The following CACNB2 variants were observed in gnomAD, a reference collection of about 807,000 sequenced individuals.
The protein encoded by CACNB2 is calcium voltage-gated channel auxiliary subunit beta 2, also known as voltage-dependent L-type calcium channel subunit beta-2.
In CACNB2, 42 loss-of-function variants were observed where a neutral mutation model predicts 73.3. That is an observed-to-expected ratio of 0.57 (90% CI 0.45 to 0.74). The LOEUF (loss-of-function observed/expected upper bound fraction) is 0.74, where lower values mean the gene tolerates loss of function less well. Among genes scored for constraint, CACNB2 ranks in the 30% least tolerant of loss-of-function variants. The pLI, the probability that CACNB2 is intolerant of heterozygous loss-of-function variation, is 0.00. For synonymous variants in CACNB2, 348 were observed against 310.3 expected (o/e 1.12, Z -1.28); for missense variants, 940 against 853.0 (o/e 1.10, Z -1.27).
intron 3 of CACNB2, among the ~76,000 whole-genome samples, chr10:18,442,059 A>C (rs767367999): frequency 2.6e-5 from 4 of 152,240 alleles, no homozygotes; most frequent in Non-Finnish European, 4.4e-5. Context: ...TTGAAAATCT[A>C]GTCCCCTGAA....
chr10:18,290,856 GC>G (rs1419398464), intron 2 of CACNB2, among the ~76,000 whole-genome samples: 1 of 152,198 alleles, frequency 6.6e-6, no homozygotes, highest in Admixed American at 6.5e-5. Flanking sequence ...CTGGATCTGC[GC>G]TGTTAATCTA....
intron 3 of CACNB2, among the ~76,000 whole-genome samples, chr10:18,443,168 T>C (rs565042183): frequency 1.3e-5 from 2 of 151,868 alleles, no homozygotes; most frequent in East Asian, 1.9e-4. Context: ...GTGTGAGATA[T>C]GCTTTTTTAT....
At chr10:18,456,023 A>G (rs2047260414) in intron 3 of CACNB2, among the ~76,000 whole-genome samples, 1 of 152,228 alleles carries the variant, frequency 6.6e-6, no homozygotes, top group African/African-American at 2.4e-5. Flanking sequence ...TCCTGCGTTT[A>G]CAGACATCTA....
At chr10:18,358,553 G>A (rs4748455) in intron 2 of CACNB2, among the ~76,000 whole-genome samples, 1 of 35,046 alleles carries the variant, frequency 2.9e-5, no homozygotes, top group African/African-American at 1.0e-4. Context: ...TCTCTCTCTC[G>A]CTCTCTCTCT....
intron 2 of CACNB2, among the ~76,000 whole-genome samples, chr10:18,236,277 T>A (rs1159312905): frequency 6.6e-6 from 1 of 152,168 alleles, no homozygotes; most frequent in Admixed American, 6.5e-5. Flanking sequence ...ACATTCGCCA[T>A]TGGTTAAAAC....
intron 2 of CACNB2, chr10:18,261,823 G>A: frequency 2.3e-6 from 1 of 435,006 alleles, no homozygotes; most frequent in Non-Finnish European, 4.6e-6. Context: ...ATCATCCTGT[G>A]ACTCTTTCAC....
chr10:18,171,397 T>A (rs541120854), intron 2 of CACNB2, among the ~76,000 whole-genome samples: 2 of 145,632 alleles, frequency 1.4e-5, no homozygotes, highest in East Asian at 4.1e-4. Context: ...GGCAGGATGC[T>A]GCCTGGACTG....
chr10:18,230,712 A>G (rs1277745), intron 2 of CACNB2, among the ~76,000 whole-genome samples: 80,943 of 152,096 alleles, frequency 0.53, 24,062 homozygotes, highest in Non-Finnish European at 0.67. Context: ...ATTAAAGATC[A>G]TGTCACCAAA....
chr10:18,506,848 G>A (rs1241022300), intron 6 of CACNB2, among the ~76,000 whole-genome samples: 1 of 152,096 alleles, frequency 6.6e-6, no homozygotes, highest in African/African-American at 2.4e-5. Context: ...TGCCCACGCT[G>A]GAGTGCAGTG....
chr10:18,463,823 T>A (rs1564578136), intron 3 of CACNB2, among the ~76,000 whole-genome samples: 1 of 152,096 alleles, frequency 6.6e-6, no homozygotes, highest in Non-Finnish European at 1.5e-5. Flanking sequence ...GAGTGGCCCA[T>A]GATCAGAGCC....
chr10:18,184,763 T>C (rs1024741650), intron 2 of CACNB2, among the ~76,000 whole-genome samples: 1 of 151,272 alleles, frequency 6.6e-6, no homozygotes, highest in African/African-American at 2.4e-5. Context: ...GTGCAGGACA[T>C]GCAGGTTTGT....
intron 2 of CACNB2, among the ~76,000 whole-genome samples, chr10:18,254,684 A>AAGTGGAGTTC (rs766153829): frequency 2.1e-4 from 32 of 152,354 alleles, no homozygotes; most frequent in Non-Finnish European, 2.9e-4. Context: ...GTGGCTAAAG[A>AAGTGGAGTTC]AGTGGAGTTC....
chr10:18,414,879 A>G (rs1381454120), intron 3 of CACNB2, among the ~76,000 whole-genome samples: 2 of 152,130 alleles, frequency 1.3e-5, no homozygotes, highest in Admixed American at 6.6e-5. Context: ...ACCAGATGTT[A>G]ACAGGGAACG....
At chr10:18,294,834 T>A (rs2039211389) in intron 2 of CACNB2, among the ~76,000 whole-genome samples, 1 of 152,208 alleles carries the variant, frequency 6.6e-6, no homozygotes, top group Non-Finnish European at 1.5e-5. Context: ...CTTTAGTAGT[T>A]CTTCATGGGG....
intron 2 of CACNB2, among the ~76,000 whole-genome samples, chr10:18,316,472 T>G (rs1464079642): frequency 6.6e-6 from 1 of 151,856 alleles, no homozygotes; most frequent in Non-Finnish European, 1.5e-5. Context: ...CCCTCTCTTT[T>G]TTTTTTTTTA....
chr10:18,529,794 A>G (rs2133243995), intron 10 of CACNB2, among the ~76,000 whole-genome samples: 1 of 152,288 alleles, frequency 6.6e-6, no homozygotes, highest in Non-Finnish European at 1.5e-5. Flanking sequence ...GCTTATAGCA[A>G]TTTCTTTTTT....
At chr10:18,142,069 T>C (rs1031002637) in intron 1 of CACNB2, among the ~76,000 whole-genome samples, 15 of 152,234 alleles carry the variant, frequency 9.9e-5, no homozygotes, top group African/African-American at 3.6e-4. Flanking sequence ...GCAAATGTTT[T>C]CTTGCTGTTG....
intron 2 of CACNB2, among the ~76,000 whole-genome samples, chr10:18,396,778 G>A (rs2043733669): frequency 6.6e-6 from 1 of 152,024 alleles, no homozygotes. Flanking sequence ...GCCCCATTTT[G>A]CTTTATTTTA....
chr10:18,242,236 T>C (rs999476847), intron 2 of CACNB2, among the ~76,000 whole-genome samples: 67 of 151,958 alleles, frequency 4.4e-4, no homozygotes, highest in African/African-American at 1.6e-3. Flanking sequence ...TATAAAACAA[T>C]AGTGCAAAAA....
Sources: gnomAD v4.1 joint callset for allele counts (sites outside exome capture counted in the v4.1 genomes callset) on GRCh38, gnomAD v4.1.1 for gene constraint, MANE v1.5 for transcripts, NCBI Gene and HGNC (gene_info 2026-07-23, HGNC 2026-07-21) for gene names.